RASGRF2: variants seen among roughly 807,000 people sequenced by gnomAD.
The protein encoded by RASGRF2 is Ras protein specific guanine nucleotide releasing factor 2, also known as ras-specific guanine nucleotide-releasing factor 2.
In RASGRF2, 76 loss-of-function variants were observed where a neutral mutation model predicts 151.0. That is an observed-to-expected ratio of 0.50 (90% CI 0.42 to 0.61). RASGRF2 has a LOEUF of 0.61. Among genes scored for constraint, RASGRF2 ranks in the 20% least tolerant of loss-of-function variants. RASGRF2 has a pLI of 0.00. For missense variants in RASGRF2, 1,148 were observed against 1,564.6 expected (o/e 0.73, Z 4.49); for synonymous variants, 504 against 566.5 (o/e 0.89, Z 1.57).
At chr5:81,055,924 G>A (rs867206784) in intron 2 of RASGRF2, among the ~76,000 whole-genome samples, 10 of 152,270 alleles carry the variant, frequency 6.6e-5, no homozygotes, top group African/African-American at 2.4e-4. Flanking sequence ...TCGTAGAGGT[G>A]TTTATAGTAT....
intron 1 of RASGRF2, among the ~76,000 whole-genome samples, chr5:81,007,828 A>G (rs1461601592): frequency 6.6e-6 from 1 of 152,006 alleles, no homozygotes; most frequent in South Asian, 2.1e-4. Flanking sequence ...GTAAATGCAA[A>G]ATGCTGAGCA....
intron 15 of RASGRF2, among the ~76,000 whole-genome samples, chr5:81,120,289 A>G (rs76834320): frequency 0.059 from 9,029 of 152,280 alleles, 468 homozygotes; most frequent in African/African-American, 0.14. Context: ...TTAAAATGAA[A>G]TAGGTAGCTG....
At chr5:81,198,367 T>G (rs775526303) in intron 18 of RASGRF2, among the ~76,000 whole-genome samples, 10 of 152,220 alleles carry the variant, frequency 6.6e-5, no homozygotes, top group Non-Finnish European at 8.8e-5. Context: ...ACATGTGATA[T>G]TTGGTTTTCT....
At chr5:81,105,096 C>A (rs1752808422) in intron 12 of RASGRF2, among the ~76,000 whole-genome samples, 1 of 152,108 alleles carries the variant, frequency 6.6e-6, no homozygotes, top group Non-Finnish European at 1.5e-5. Context: ...GGGAAGTGGA[C>A]AAAGTCAGCC....
rs1756028299 is a variant in RASGRF2, at chr5:81,227,729, G to A, written c.*1959G>A. 6.6e-6 allele frequency: 1 copy of A among 152,156 alleles called. No homozygotes were observed. The highest frequency in any genetic ancestry group is 2.1e-4 in the South Asian group (1 of 4,832). 9.4% of individuals were successfully genotyped at this position (152,156 alleles called of 1,614,324 possible). A position where few individuals can be genotyped will look rare whatever the true frequency, so the allele number is the denominator to read the frequency against. On this transcript the variant is annotated 3_prime_UTR_variant, in exon 27 of 27. Coordinates refer to ENST00000265080, the MANE Select transcript of RASGRF2 (RefSeq NM_006909.3). ...AGTCCTGAAGGGTGAACTAAAACCG[G>A]GACAAATCTGTGAGAGGACCACACA...
intron 1 of RASGRF2, among the ~76,000 whole-genome samples, chr5:80,962,235 A>G (rs954154326): frequency 3.3e-5 from 5 of 152,262 alleles, no homozygotes; most frequent in African/African-American, 9.6e-5. Context: ...TATAAATCTG[A>G]AAGTTTAAAT....
At chr5:81,103,632 G>A (rs1398379920) in intron 12 of RASGRF2, among the ~76,000 whole-genome samples, 1 of 152,010 alleles carries the variant, frequency 6.6e-6, no homozygotes, top group African/African-American at 2.4e-5. Context: ...CATAAACTCA[G>A]ATAAAAACCT....
chr5:80,976,734 C>CT (rs1449128712), intron 1 of RASGRF2, among the ~76,000 whole-genome samples: 2 of 152,204 alleles, frequency 1.3e-5, no homozygotes, highest in Non-Finnish European at 2.9e-5. Flanking sequence ...AAACACAGCT[C>CT]TTTGCCGTTT....
intron 1 of RASGRF2, among the ~76,000 whole-genome samples, chr5:80,964,456 T>C (rs1394411789): frequency 2.0e-5 from 3 of 152,128 alleles, no homozygotes; most frequent in African/African-American, 7.2e-5. Flanking sequence ...CTCATCTAAT[T>C]TGAACTTCAG....
At chr5:81,022,475 G>A (rs965562780) in intron 1 of RASGRF2, among the ~76,000 whole-genome samples, 2 of 152,210 alleles carry the variant, frequency 1.3e-5, no homozygotes, top group African/African-American at 2.4e-5. Flanking sequence ...GGAGCAAGAG[G>A]ACATTGTGTG....
chr5:80,983,442 G>A (rs1240823517), intron 1 of RASGRF2, among the ~76,000 whole-genome samples: 1 of 152,234 alleles, frequency 6.6e-6, no homozygotes, highest in Non-Finnish European at 1.5e-5. Flanking sequence ...CCACCCTAAG[G>A]GCAGCTGCTC....
intron 17 of RASGRF2, among the ~76,000 whole-genome samples, chr5:81,151,385 C>CTTT (rs34158947): frequency 7.4e-6 from 1 of 134,672 alleles, no homozygotes; most frequent in African/African-American, 2.8e-5. Flanking sequence ...AAACTGGTAC[C>CTTT]TTTTTTTTTT....
At chr5:81,138,253 G>A (rs1213838188) in intron 17 of RASGRF2, among the ~76,000 whole-genome samples, 4 of 152,092 alleles carry the variant, frequency 2.6e-5, no homozygotes, top group Admixed American at 6.5e-5. Flanking sequence ...CCTTACAAAC[G>A]TTTCTCCAGT....
At chr5:81,047,536 C>T (rs1750876004) in intron 2 of RASGRF2, among the ~76,000 whole-genome samples, 1 of 152,184 alleles carries the variant, frequency 6.6e-6, no homozygotes, top group Admixed American at 6.5e-5. Flanking sequence ...CTCTTCCCTC[C>T]CCTCAGGGTG....
chr5:80,969,098 C>T (rs1475328889), intron 1 of RASGRF2, among the ~76,000 whole-genome samples: 1 of 147,322 alleles, frequency 6.8e-6, no homozygotes, highest in Non-Finnish European at 1.5e-5. Context: ...TTCCATTTAC[C>T]CAGCTCCTCC....
intron 1 of RASGRF2, among the ~76,000 whole-genome samples, chr5:81,025,382 C>T (rs1369935068): frequency 6.6e-6 from 1 of 152,214 alleles, no homozygotes; most frequent in African/African-American, 2.4e-5. Context: ...CCTTAGCAAG[C>T]TCGTTGGAGC....
chr5:81,139,504 G>GATTA (rs1242104686), intron 17 of RASGRF2, among the ~76,000 whole-genome samples: 1 of 150,474 alleles, frequency 6.6e-6, no homozygotes, highest in Non-Finnish European at 1.5e-5. Context: ...AGGATTACAG[G>GATTA]CAGCTGCCAC....
At chr5:81,024,992 A>G (rs1231933612) in intron 1 of RASGRF2, among the ~76,000 whole-genome samples, 2 of 152,200 alleles carry the variant, frequency 1.3e-5, no homozygotes, top group Non-Finnish European at 2.9e-5. Context: ...GGACCCATCC[A>G]GCAGGGGTTT....
In RASGRF2 at chr5:81,032,773, C is replaced by G. The variant is rs1242071940; in HGVS notation, c.289-10104C>G. ...GCCCTCTCTCACCACTCCTATTCAA[C>G]ATAGTGTTGGAAGTTCTGGCCAGGG... is the stretch of plus-strand genomic sequence containing the variant. On this transcript the variant is annotated intron_variant, in intron 1 of 26. Coordinates refer to ENST00000265080, the MANE Select transcript of RASGRF2 (RefSeq NM_006909.3). Among the ~76,000 whole-genome samples the G allele has an allele frequency of 2.0e-5, 3 of 152,054 alleles. No individual in the cohort carries two copies. The East Asian group carries it at 5.8e-4, about 29-fold the overall frequency.
Sources: gnomAD v4.1 joint callset for allele counts (sites outside exome capture counted in the v4.1 genomes callset) on GRCh38, gnomAD v4.1.1 for gene constraint, MANE v1.5 for transcripts, NCBI Gene and HGNC (gene_info 2026-07-23, HGNC 2026-07-21) for gene names.